The following PAK4 variants were observed in gnomAD, a reference collection of about 807,000 sequenced individuals.
The protein encoded by PAK4 is serine/threonine-protein kinase PAK 4.
Under a neutral mutation model 53.5 loss-of-function variants are expected in PAK4, and 49 were observed. The ratio of observed to expected loss-of-function variants is 0.92; its 90% CI spans 0.73 to 1.16. The LOEUF (loss-of-function observed/expected upper bound fraction) is 1.16. Ranked by LOEUF, PAK4 falls within the 50% of genes most tolerant of loss-of-function variation. The probability of loss-of-function intolerance (pLI) is 0.00; values close to 1 mark genes in which losing one functional copy is unlikely to be tolerated. For synonymous variants in PAK4, 376 were observed against 375.6 expected (o/e 1.00, Z -0.01); for missense variants, 824 against 850.7 (o/e 0.97, Z 0.39).
chr19:39,173,649 C>T lies in PAK4; in HGVS notation c.737C>T (p.Ser246Phe). 3 of 1,577,948 alleles carry T rather than the reference C, an allele frequency of 1.9e-6. No individual in the cohort carries two copies. Among genetic ancestry groups the T allele is most frequent in the African/African-American group, 1.3e-5 (1 of 74,124 alleles). The stretch of plus-strand genomic sequence containing the variant: ...GCCATCCCCCAGTCCTCCTCCTCCT[C>T]CTCCCGGCCTCCCACCCGAGCCCGA... Residue 246 changes from serine (S) to phenylalanine (F), a missense_variant, in exon 4 of 9, where the codon TCC (serine) becomes TTC (phenylalanine). Coordinates refer to ENST00000358301, the Ensembl canonical transcript of PAK4. The surrounding 1 kb of genome is among the most constrained non-coding windows in gnomAD (Gnocchi z 6.9).
At chr19:39,146,460 T>A (rs994798250) in intron 1 of PAK4, among the ~76,000 whole-genome samples, 2 of 152,200 alleles carry the variant, frequency 1.3e-5, no homozygotes, top group Non-Finnish European at 2.9e-5. Flanking sequence ...TGGGAAAGGG[T>A]CTGGCATTTT....
chr19:39,173,112 C>G lies in PAK4; in HGVS notation c.399C>G (p.Gly133=), dbSNP rs1171596404. 6.5e-6 allele frequency: 10 copies of G among 1,547,172 alleles called. No homozygotes were observed. The highest frequency in any genetic ancestry group is 8.7e-6 in the Non-Finnish European group (10 of 1,145,582). Reference sequence around the variant, plus strand: ...CCAGAGGGGGCCCAGGGAAGGCAGGCAGCCGAGGCCGGTTCGCCGGTCACA... The same window carrying G: ...CCAGAGGGGGCCCAGGGAAGGCAGGGAGCCGAGGCCGGTTCGCCGGTCACA... The change falls in exon 3 of 9, where the codon GGC becomes GGG. Residue 133 remains glycine, a synonymous_variant. Coordinates refer to ENST00000358301, the Ensembl canonical transcript of PAK4. The surrounding 1 kb of genome is among the most constrained non-coding windows in gnomAD (Gnocchi z 6.9).
At chr19:39,165,346 C>CAA (rs59682991) in intron 1 of PAK4, among the ~76,000 whole-genome samples, 1,187 of 92,608 alleles carry the variant, frequency 0.013, 25 homozygotes, top group African/African-American at 0.034. Context: ...ACTAAAAATA[C>CAA]AAAAAAAAAA....
intron 1 of PAK4, among the ~76,000 whole-genome samples, chr19:39,141,571 C>T (rs2145148266): frequency 6.6e-6 from 1 of 152,222 alleles, no homozygotes; most frequent in South Asian, 2.1e-4. Context: ...CCATCTCAGC[C>T]TCCCAAAGTG....
downstream of PAK4, chr19:39,180,487 C>T (rs1006986739): frequency 1.3e-5 from 2 of 151,802 alleles, no homozygotes; most frequent in African/African-American, 4.8e-5. Flanking sequence ...CTCTGTCGCC[C>T]AGGCTGGAGT....
chr19:39,173,233 T>C lies in PAK4; in HGVS notation c.520T>C (p.Ser174Pro). 3 of 1,573,148 alleles carry C rather than the reference T, an allele frequency of 1.9e-6. No individual in the cohort carries two copies. The highest frequency in any genetic ancestry group is 2.6e-6 in the Non-Finnish European group (3 of 1,159,806). Residue 174 changes from serine (S) to proline (P), a missense_variant, in exon 3 of 9, where the codon TCC becomes CCC. Around this residue, in one of 2 missense-constraint regions of PAK4, gnomAD observed 478 missense variants for 435.8 expected, o/e 1.10. Coordinates refer to ENST00000358301, the Ensembl canonical transcript of PAK4. The surrounding 1 kb of genome is among the most constrained non-coding windows in gnomAD (Gnocchi z 6.9). ...GGGCTCAGGGGGTCCCCAGGAGTCC[T>C]CCCGGGACAAACGCCCCCTCTCCGG...
intron 1 of PAK4, among the ~76,000 whole-genome samples, chr19:39,137,180 G>T (rs1230535959): frequency 1.3e-5 from 2 of 152,238 alleles, no homozygotes; most frequent in African/African-American, 4.8e-5. Flanking sequence ...CAACAAATTT[G>T]GTGGAGTGCT....
At chr19:39,129,559 T>C (rs1246899901) in intron 1 of PAK4, among the ~76,000 whole-genome samples, 1 of 152,168 alleles carries the variant, frequency 6.6e-6, no homozygotes, top group Non-Finnish European at 1.5e-5. Context: ...AAGTCCTGCT[T>C]TGGGCAGCTT....
intron 1 of PAK4, among the ~76,000 whole-genome samples, chr19:39,160,491 A>G (rs1051597467): frequency 6.6e-6 from 1 of 152,058 alleles, no homozygotes; most frequent in African/African-American, 2.4e-5. Context: ...CATTTTGTTC[A>G]GGGGTCAGGC....
At chr19:39,162,017 T>TGGTGC (rs1736858751) in intron 1 of PAK4, among the ~76,000 whole-genome samples, 1 of 152,142 alleles carries the variant, frequency 6.6e-6, no homozygotes, top group Non-Finnish European at 1.5e-5. Context: ...TGGAGTGCAA[T>TGGTGC]GGTGCGATCT....
intron 1 of PAK4, among the ~76,000 whole-genome samples, chr19:39,167,287 A>G (rs1236023330): frequency 2.0e-5 from 3 of 152,168 alleles, no homozygotes; most frequent in Non-Finnish European, 4.4e-5. Flanking sequence ...CATGGGGCCA[A>G]AGGGGGTGGA....
At chr19:39,177,797 G>A in exon 8 of PAK4, 1 of 1,612,990 alleles carries the variant, frequency 6.2e-7, no homozygotes, top group Admixed American at 1.7e-5. Context: ...CCCGACTGAA[G>A]AACCTGCACA....
At chr19:39,146,822 A>G (rs2145170516) in intron 1 of PAK4, among the ~76,000 whole-genome samples, 1 of 151,742 alleles carries the variant, frequency 6.6e-6, no homozygotes, top group East Asian at 1.9e-4. Flanking sequence ...TGGGCAACAG[A>G]ATTAAGGCTC....
intron 7 of PAK4, 149 bp downstream of exon 8, chr19:39,176,864 A>G: frequency 1.1e-6 from 1 of 882,932 alleles, no homozygotes; most frequent in South Asian, 1.7e-5. Context: ...GCATGCATGT[A>G]TTCATTCTTC....
intron 1 of PAK4, among the ~76,000 whole-genome samples, chr19:39,155,238 C>T (rs1198907112): frequency 2.0e-5 from 3 of 152,154 alleles, no homozygotes; most frequent in Admixed American, 6.5e-5. Context: ...TGTCAACTCC[C>T]GTGGGCAGGA....
chr19:39,138,580 C>G (rs967913585), intron 1 of PAK4, among the ~76,000 whole-genome samples: 1 of 152,140 alleles, frequency 6.6e-6, no homozygotes, highest in African/African-American at 2.4e-5. Context: ...GGCAGGGAGT[C>G]TGTGCCCTCC....
Position 39,178,091 on chromosome 19 carries a change from C to T in PAK4, c.1620+282C>T, listed in dbSNP as rs2074645332. ...GCACGTTTAGAAGTGGAGGACAGGG[C>T]CGGGACCTTCCTAGTGGAGGACTTG... is the stretch of plus-strand genomic sequence containing the variant. On this transcript the variant is annotated intron_variant, in intron 8 of 8. Transcript: ENST00000358301. This position sits in a 1 kb window ranked among gnomAD's most constrained non-coding sequence, Gnocchi z 4.4. Among the ~76,000 whole-genome samples, 1 of 152,112 alleles carries T rather than the reference C, an allele frequency of 6.6e-6. No homozygotes were observed. Among genetic ancestry groups the T allele is most frequent in the African/African-American group, 2.4e-5 (1 of 41,402 alleles).
intron 1 of PAK4, among the ~76,000 whole-genome samples, chr19:39,127,771 G>A (rs550746692): frequency 3.9e-5 from 6 of 152,282 alleles, no homozygotes; most frequent in African/African-American, 1.4e-4. Flanking sequence ...TCAGAGAGCC[G>A]GGAGAGTGCC....
chr19:39,157,876 G>A (rs932087114), intron 1 of PAK4, among the ~76,000 whole-genome samples: 2 of 152,248 alleles, frequency 1.3e-5, no homozygotes, highest in African/African-American at 4.8e-5. Flanking sequence ...GAGGCCTGTG[G>A]TTTGTGTGGC....
Sources: allele counts gnomAD v4.1 joint callset (sites outside exome capture counted in the v4.1 genomes callset), GRCh38; gene constraint gnomAD v4.1.1; regional missense constraint gnomAD v4.1.1; non-coding constraint Gnocchi (gnomAD v3.1); transcripts MANE v1.5; gene names NCBI Gene and HGNC (gene_info 2026-07-23, HGNC 2026-07-21).